Variants in TYK2 observed in about 807,000 individuals in gnomAD.
TYK2 encodes tyrosine kinase 2, also known as non-receptor tyrosine-protein kinase TYK2.
In TYK2, 65 loss-of-function variants were observed where a neutral mutation model predicts 130.9. The ratio of observed to expected loss-of-function variants is 0.50; its 90% CI spans 0.41 to 0.61. The LOEUF is 0.61. TYK2 is among the 20% of genes least tolerant of loss of function. The probability of loss-of-function intolerance (pLI) is 0.00; values close to 1 mark genes in which losing one functional copy is unlikely to be tolerated. For synonymous variants in TYK2, 647 were observed against 658.9 expected (o/e 0.98, Z 0.28); for missense variants, 1,378 against 1,610.7 (o/e 0.86, Z 2.47).
chr19:10,368,509 C>T, intron 3 of TYK2, 91 bp from the exon 4 acceptor site: 1 of 1,576,250 alleles, frequency 6.3e-7, no homozygotes, highest in Non-Finnish European at 8.7e-7. Context: ...CCTTCACACT[C>T]CCTCTGAGGC....
At chr19:10,358,302 T>G (rs1396284262) in intron 15 of TYK2, among the ~76,000 whole-genome samples, 164 bp from the exon 16 acceptor site, 4 of 147,074 alleles carry the variant, frequency 2.7e-5, no homozygotes, top group Admixed American at 1.3e-4. Context: ...TTGTTTTTTT[T>G]TTTTTTTTTT....
At position 10,357,859 on chromosome 19, in the gene TYK2, G is replaced by C. The variant is rs1195523174; in HGVS notation, c.2371C>G (p.Leu791Val). Residue 791 changes from leucine to valine, a missense_variant, in exon 17 of 25, where the codon CTA (leucine) becomes GTA (valine). Leu to Val is a conservative substitution (Grantham distance 32). Transcript: ENST00000525621. ...PECLPGGANS[L>V]STAMDKWGFG... The stretch of plus-strand genomic sequence containing the variant: ...CCCCACTTGTCCATGGCGGTGCTTA[G>C]GCTGTTGGCCCCACCTGGTAGGCAT... 1.2e-6 allele frequency: 2 copies of C among 1,613,406 alleles called. No individual in the cohort carries two copies. Among genetic ancestry groups the C allele is most frequent in the African/African-American group, 2.7e-5 (2 of 74,940 alleles).
Position 10,353,670 on chromosome 19 carries a change from G to A in TYK2, c.2909-24C>T, listed in dbSNP as rs1220524997. 3.4e-6 allele frequency: 5 copies of A among 1,457,386 alleles called. No individual in the cohort carries two copies. Among genetic ancestry groups the A allele is most frequent in the Non-Finnish European group, 4.5e-6 (5 of 1,099,790 alleles). 90.3% of individuals were successfully genotyped at this position (1,457,386 alleles called of 1,614,324 possible). On this transcript the variant is annotated intron_variant, in intron 20 of 24. Transcript: ENST00000525621. This position sits in a 1 kb window ranked among gnomAD's most constrained non-coding sequence, Gnocchi z 6.9. ...GCCTGCCGCGGAGAGGGGCGGCCCC[G>A]GTGGGGGACGATAGAGGGCGGGCCG...
rs1436515737 is a variant in TYK2, at chr19:10,362,416, G to A, written c.1517C>T (p.Pro506Leu). The change falls in exon 11 of 25, where the codon CCC (proline) becomes CTC (leucine). Residue 506 changes from proline (P) to leucine (L), a missense_variant. Coordinates refer to ENST00000525621, the MANE Select transcript of TYK2 (RefSeq NM_003331.5). The stretch of plus-strand genomic sequence containing the variant: ...GAAGGCCCCGTCCTGCTGCTCAATG[G>A]GGAACTTTCGGAGCCGCAAGCTCTG... ...GMQSLRLRKF[P>L]IEQQDGAFVL... 5.6e-6 allele frequency: 9 copies of A among 1,611,196 alleles called. No homozygotes were observed. The South Asian group carries it at 9.9e-5, about 18-fold the overall frequency.
chr19:10,354,985 GTT>G (rs12720317), intron 18 of TYK2, among the ~76,000 whole-genome samples: 13,690 of 150,448 alleles, frequency 0.091, 660 homozygotes, highest in Middle Eastern at 0.16. Flanking sequence ...GAGCCCAGGA[GTT>G]TTGAGGCTGC....
chr19:10,366,847 C>G (rs1277665214), intron 5 of TYK2, among the ~76,000 whole-genome samples: 1 of 151,676 alleles, frequency 6.6e-6, no homozygotes, highest in East Asian at 1.9e-4. Flanking sequence ...GAGTTTGAGA[C>G]CAGCCTGACC....
chr19:10,350,703 A>G lies in TYK2; in HGVS notation c.*131T>C. On this transcript the variant is annotated 3_prime_UTR_variant, in exon 25 of 25. Transcript: ENST00000525621. ...AAGTTCACAGAGGTGGGGTCTCTAG[A>G]CAGGAGTAAGGCACACGGTGTGGGT... is the stretch of plus-strand genomic sequence containing the variant. 8.9e-7 allele frequency: 1 copy of G among 1,126,856 alleles called. No homozygotes were observed. The highest frequency in any genetic ancestry group is 1.3e-6 in the Non-Finnish European group (1 of 785,546). The allele number at this position is 1,126,856 out of a possible 1,614,324, so 69.8% of individuals were successfully genotyped here.
intron 3 of TYK2, among the ~76,000 whole-genome samples, chr19:10,377,461 A>T (rs1166923553): frequency 2.7e-4 from 16 of 59,408 alleles, no homozygotes; most frequent in South Asian, 1.3e-3. Flanking sequence ...AATGGGTGGG[A>T]GGATGGATGG....
In TYK2 at chr19:10,362,536, G is replaced by A. The variant is rs1371414906; in HGVS notation, c.1476+13C>T. ...TGTCCAGCCCCAGCCCCAGCCCCCA[G>A]CCCTGGGCTCACCTGGCTACGCTGG... On this transcript the variant is annotated intron_variant, in intron 10 of 24. Transcript: ENST00000525621. The A allele has an allele frequency of 2.1e-5, 32 of 1,555,390 alleles. No individual in the cohort carries two copies. The highest frequency in any genetic ancestry group is 2.8e-5 in the Non-Finnish European group (32 of 1,149,228).
intron 22 of TYK2, 66 bp downstream of exon 22, chr19:10,352,860 G>T: frequency 6.6e-7 from 1 of 1,511,260 alleles, no homozygotes; most frequent in Non-Finnish European, 8.9e-7. Flanking sequence ...CCCAGCATCC[G>T]TCTACTCCAC....
intron 9 of TYK2, 30 bp from the exon 10 acceptor site, chr19:10,362,687 C>T: frequency 1.3e-6 from 2 of 1,533,474 alleles, no homozygotes; most frequent in South Asian, 2.4e-5. Context: ...GACTATCAGG[C>T]CACCTGGGGC....
chr19:10,357,194 G>T, intron 17 of TYK2: 2 of 419,324 alleles, frequency 4.8e-6, no homozygotes, highest in South Asian at 4.6e-5. Context: ...TTTGAGACCA[G>T]CCTGACCAAT....
At position 10,353,686 on chromosome 19, in the gene TYK2, G is replaced by A; in HGVS notation, c.2909-40C>T. Reference sequence around the variant, plus strand: ...GGCGGCCCCGGTGGGGGACGATAGAGGGCGGGCCGGGGACCGCCTACCTTG... The same window carrying A: ...GGCGGCCCCGGTGGGGGACGATAGAAGGCGGGCCGGGGACCGCCTACCTTG... On this transcript the variant is annotated intron_variant, in intron 20 of 24. Coordinates refer to ENST00000525621, the MANE Select transcript of TYK2 (RefSeq NM_003331.5). This position sits in a 1 kb window ranked among gnomAD's most constrained non-coding sequence, Gnocchi z 6.9. The A allele has an allele frequency of 7.0e-7, 1 of 1,419,874 alleles. No individual in the cohort carries two copies. Among genetic ancestry groups the A allele is most frequent in the Non-Finnish European group, 9.4e-7 (1 of 1,067,570 alleles). 88.0% of individuals were successfully genotyped at this position (1,419,874 alleles called of 1,614,324 possible).
chr19:10,359,374 C>T (rs1031710526), intron 14 of TYK2, 72 bp from the exon 15 acceptor site: 22 of 1,569,150 alleles, frequency 1.4e-5, no homozygotes, highest in African/African-American at 1.3e-4. Flanking sequence ...TTGGGGGAGA[C>T]GCCAGGGAGG....
chr19:10,372,014 G>A (rs1192651523), intron 3 of TYK2, among the ~76,000 whole-genome samples: 2 of 151,438 alleles, frequency 1.3e-5, no homozygotes, highest in African/African-American at 2.4e-5. Context: ...TTTTTGAGAC[G>A]GAGTCTCGAT....
intron 7 of TYK2, 46 bp from the exon 8 acceptor site, chr19:10,365,094 GT>G: frequency 6.5e-7 from 1 of 1,540,260 alleles, no homozygotes; most frequent in South Asian, 1.2e-5. Flanking sequence ...GGCAATGCCC[GT>G]TTATACCTCC....
At position 10,361,156 on chromosome 19, in the gene TYK2, C is replaced by T. The variant is rs1304313019; in HGVS notation, c.2047+355G>A. On this transcript the variant is annotated intron_variant, in intron 14 of 24. Transcript: ENST00000525621. This position sits in a 1 kb window ranked among gnomAD's most constrained non-coding sequence, Gnocchi z 4.0. ...CTAGGAGAATCAGCACACATCAGCA[C>T]TGGAGTCTGCCTGAGGCCATAGTGC... 5 of 510,228 alleles carry T rather than the reference C, an allele frequency of 9.8e-6. No individual in the cohort carries two copies. Among genetic ancestry groups the T allele is most frequent in the South Asian group, 7.2e-5 (4 of 55,338 alleles). 31.6% of individuals were successfully genotyped at this position (510,228 alleles called of 1,614,324 possible). A position where few individuals can be genotyped will look rare whatever the true frequency, so the allele number is the denominator to read the frequency against.
rs2040913096 is a variant in TYK2 at position 10,353,404 on chromosome 19, G to T, written c.3027+124C>A. The T allele has an allele frequency of 4.1e-6, 3 of 723,752 alleles. No individual in the cohort carries two copies. The highest frequency in any genetic ancestry group is 1.8e-5 in the African/African-American group (1 of 55,546). 44.8% of individuals were successfully genotyped at this position (723,752 alleles called of 1,614,324 possible). On this transcript the variant is annotated intron_variant, in intron 21 of 24. Coordinates refer to ENST00000525621, the MANE Select transcript of TYK2 (RefSeq NM_003331.5). This position sits in a 1 kb window ranked among gnomAD's most constrained non-coding sequence, Gnocchi z 6.9. ...CAAACAGTTCGGAGGTCAGTGCAAG[G>T]ACAAGACAGCCTGGGCAAACGAGCA...
rs1386949394 is a variant in TYK2 at position 10,361,057 on chromosome 19, AAGG to A, written c.2047+451_2047+453del. 6.6e-6 allele frequency: 3 copies of A among 457,904 alleles called. No homozygotes were observed. Among genetic ancestry groups the A allele is most frequent in the African/African-American group, 4.0e-5 (2 of 50,168 alleles). 28.4% of individuals were successfully genotyped at this position (457,904 alleles called of 1,614,324 possible). ...GTGAGCCACCACACCTAGCCTATAC[AAGG>A]AGTTTTGAGCTACCTGCAGAGGAAA... On this transcript the variant is annotated intron_variant, in intron 14 of 24. Transcript: ENST00000525621. This position sits in a 1 kb window ranked among gnomAD's most constrained non-coding sequence, Gnocchi z 4.0.
Sources: gnomAD v4.1 joint callset for allele counts (sites outside exome capture counted in the v4.1 genomes callset) on GRCh38, gnomAD v4.1.1 for gene constraint, Gnocchi (gnomAD v3.1) non-coding constraint, MANE v1.5 for transcripts, NCBI Gene and HGNC (gene_info 2026-07-23, HGNC 2026-07-21) for gene names.